Variants in ADAM22 observed in about 807,000 individuals in gnomAD.
ADAM22 encodes the protein disintegrin and metalloproteinase domain-containing protein 22.
ADAM22 carries 65 observed loss-of-function variants against 144.6 expected under a neutral mutation model. The observed-to-expected ratio is 0.45, with a 90% CI of 0.37 to 0.55. ADAM22 has a LOEUF of 0.55. ADAM22 is among the 20% of genes least tolerant of loss of function. The pLI is 0.00. For missense variants in ADAM22, 974 were observed against 1,184.9 expected (o/e 0.82, Z 2.61); for synonymous variants, 391 against 412.6 (o/e 0.95, Z 0.63).
chr7:88,069,738 G>A (rs1393888515), intron 3 of ADAM22, among the ~76,000 whole-genome samples: 1 of 152,134 alleles, frequency 6.6e-6, no homozygotes, highest in Non-Finnish European at 1.5e-5. Flanking sequence ...TAGCCCAGGT[G>A]TAGACCCTTG....
chr7:88,002,736 A>G (rs1792874640), intron 3 of ADAM22, among the ~76,000 whole-genome samples: 1 of 152,184 alleles, frequency 6.6e-6, no homozygotes, highest in African/African-American at 2.4e-5. Context: ...CTTTTCCTTT[A>G]TGCACCTTGG....
At chr7:88,018,067 A>G (rs1340281461) in intron 3 of ADAM22, among the ~76,000 whole-genome samples, 1 of 152,114 alleles carries the variant, frequency 6.6e-6, no homozygotes, top group Admixed American at 6.6e-5. Context: ...AGACCCTTTA[A>G]GAAAGATCTG....
intron 3 of ADAM22, among the ~76,000 whole-genome samples, chr7:88,001,201 A>T (rs558841680): frequency 1.3e-5 from 2 of 152,362 alleles, no homozygotes; most frequent in South Asian, 4.1e-4. Context: ...TTTGGATTTT[A>T]AATTTTTTCA....
rs1348762789 is a variant in ADAM22, at chr7:88,081,892, C to T, written c.390+6200C>T. Among the ~76,000 whole-genome samples, 440 of 150,516 alleles carry T rather than the reference C, an allele frequency of 2.9e-3. 3 individuals carry two copies. Among genetic ancestry groups the T allele is most frequent in the African/African-American group, 9.8e-3 (402 of 40,848 alleles). On this transcript the variant is annotated intron_variant, in intron 4 of 31. Coordinates refer to ENST00000413139, the MANE Select transcript of ADAM22 (RefSeq NM_001324418.2). Reference sequence around the variant, plus strand: ...GCTCATGGGTAGGAAGAATCAATATCGTGAAAATGGCCATACTGCCCAAGG... The same window carrying T: ...GCTCATGGGTAGGAAGAATCAATATTGTGAAAATGGCCATACTGCCCAAGG...
intron 3 of ADAM22, among the ~76,000 whole-genome samples, chr7:88,018,618 G>T (rs1026943684): frequency 1.3e-5 from 2 of 152,150 alleles, no homozygotes; most frequent in Non-Finnish European, 1.5e-5. Context: ...TGACAATAAG[G>T]CACATTGTGA....
chr7:88,062,082 A>G (rs1167415649), intron 3 of ADAM22, among the ~76,000 whole-genome samples: 5 of 152,050 alleles, frequency 3.3e-5, no homozygotes, highest in Admixed American at 1.3e-4. Flanking sequence ...AGCTCAAGCC[A>G]TCGTCTTGCC....
At chr7:88,045,081 G>A (rs1228378955) in intron 3 of ADAM22, among the ~76,000 whole-genome samples, 1 of 148,880 alleles carries the variant, frequency 6.7e-6, no homozygotes, top group Admixed American at 6.7e-5. Context: ...ACAATGGCGT[G>A]ATCTCAGCTC....
intron 25 of ADAM22, chr7:88,168,530 T>C (rs748550598): frequency 6.0e-5 from 24 of 403,320 alleles, no homozygotes; most frequent in Admixed American, 9.6e-5. Flanking sequence ...TTGAAGAGAA[T>C]TTAATAACCT....
chr7:88,077,678 G>A lies in ADAM22; in HGVS notation c.390+1986G>A, dbSNP rs144614458. On this transcript the variant is annotated intron_variant, in intron 4 of 31. Transcript: ENST00000413139. Reference sequence around the variant, plus strand: ...CGCTTTTCCAACGGGCTTAACAAACGGCACACCAGGAGATTATATCCCACA... The same window carrying A: ...CGCTTTTCCAACGGGCTTAACAAACAGCACACCAGGAGATTATATCCCACA... Among the ~76,000 whole-genome samples the A allele has an allele frequency of 4.1e-4, 63 of 152,294 alleles. No individual in the cohort carries two copies. In the East Asian group the frequency reaches 0.01, roughly 25 times the overall value.
chr7:88,014,988 C>T (rs1370003300), intron 3 of ADAM22, among the ~76,000 whole-genome samples: 1 of 152,178 alleles, frequency 6.6e-6, no homozygotes, highest in African/African-American at 2.4e-5. Context: ...GCTACAGAGC[C>T]ATGACGCCGT....
intron 4 of ADAM22, among the ~76,000 whole-genome samples, chr7:88,099,825 T>C (rs894956567): frequency 2.0e-5 from 3 of 152,178 alleles, no homozygotes; most frequent in Admixed American, 6.5e-5. Context: ...AAAATGAATT[T>C]TGAGGATCAA....
At chr7:88,133,230 G>C (rs1832224965) in intron 12 of ADAM22, among the ~76,000 whole-genome samples, 1 of 151,934 alleles carries the variant, frequency 6.6e-6, no homozygotes, top group Admixed American at 6.6e-5. Context: ...GGGTGTGGTA[G>C]CGTGTGCCTG....
chr7:88,116,850 A>G (rs1477598188), intron 7 of ADAM22, 36 bp downstream of exon 7: 1 of 1,454,686 alleles, frequency 6.9e-7, no homozygotes, highest in Admixed American at 1.7e-5. Context: ...TATCTAAAAG[A>G]CAACTTCAGT....
chr7:88,050,236 A>AC (rs1174241561), intron 3 of ADAM22, among the ~76,000 whole-genome samples: 8 of 150,404 alleles, frequency 5.3e-5, no homozygotes, highest in African/African-American at 1.9e-4. Flanking sequence ...AAAAAAAAAA[A>AC]AAAAAAAACC....
At chr7:88,168,275 C>A in intron 25 of ADAM22, 48 bp downstream of exon 25, 1 of 1,533,578 alleles carries the variant, frequency 6.5e-7, no homozygotes, top group Non-Finnish European at 9.0e-7. Context: ...TACTTCTAAA[C>A]ATTTTGATTA....
At chr7:88,114,056 G>T (rs1827062472) in intron 5 of ADAM22, among the ~76,000 whole-genome samples, 1 of 152,064 alleles carries the variant, frequency 6.6e-6, no homozygotes, top group African/African-American at 2.4e-5. Flanking sequence ...TTGTGGAAAA[G>T]ATTAAATGAG....
chr7:88,174,790 C>T (rs373527852), intron 26 of ADAM22, among the ~76,000 whole-genome samples: 5 of 151,948 alleles, frequency 3.3e-5, no homozygotes, highest in African/African-American at 9.7e-5. Context: ...GCAGAATGCC[C>T]TCCCCTTCCC....
Position 88,057,448 on chromosome 7 carries a change from T to C in ADAM22, c.324-18178T>C, listed in dbSNP as rs570377464. ...TTTTTCTTGTATGTCACATACATTGTCTCTGAAGCTAATTCCAAAAGATAA... is the reference window on the plus strand; with the variant it reads ...TTTTTCTTGTATGTCACATACATTGCCTCTGAAGCTAATTCCAAAAGATAA... On this transcript the variant is annotated intron_variant, in intron 3 of 31. Coordinates refer to ENST00000413139, the MANE Select transcript of ADAM22 (RefSeq NM_001324418.2). Among the ~76,000 whole-genome samples, 5 of 152,348 alleles carry C rather than the reference T, an allele frequency of 3.3e-5. No homozygotes were observed. In the East Asian group the frequency reaches 9.6e-4, roughly 29 times the overall value.
intron 3 of ADAM22, among the ~76,000 whole-genome samples, chr7:88,016,931 G>A (rs761638901): frequency 5.9e-5 from 9 of 152,162 alleles, no homozygotes; most frequent in Non-Finnish European, 8.8e-5. Context: ...CAGCCTGGGC[G>A]TTATACTGAG....
Sources: allele counts gnomAD v4.1 joint callset (sites outside exome capture counted in the v4.1 genomes callset), GRCh38; gene constraint gnomAD v4.1.1; transcripts MANE v1.5; gene names NCBI Gene and HGNC (gene_info 2026-07-23, HGNC 2026-07-21).